OAS2: variants seen among roughly 807,000 people sequenced by gnomAD.
OAS2 encodes the protein 2'-5'-oligoadenylate synthetase 2.
A neutral mutation model predicts 71.3 loss-of-function variants in OAS2; 67 were observed. The ratio of observed to expected loss-of-function variants is 0.94; its 90% CI spans 0.77 to 1.15. The LOEUF (loss-of-function observed/expected upper bound fraction) is 1.15, where lower values mean the gene tolerates loss of function less well. Among genes scored for constraint, OAS2 ranks in the 50% most tolerant of loss-of-function variants. The probability of loss-of-function intolerance (pLI) is 0.00; values close to 1 mark genes in which losing one functional copy is unlikely to be tolerated. For missense variants in OAS2, 789 were observed against 822.5 expected (o/e 0.96, Z 0.50); for synonymous variants, 327 against 321.8 (o/e 1.02, Z -0.17).
At chr12:112,991,398 G>GT (rs2044191473) in intron 2 of OAS2, among the ~76,000 whole-genome samples, 1 of 152,248 alleles carries the variant, frequency 6.6e-6, no homozygotes, top group South Asian at 2.1e-4. Flanking sequence ...ATGCGCACCC[G>GT]TAACACAGCC....
At position 112,978,889 on chromosome 12, in the gene OAS2, A is replaced by C; in HGVS notation, c.177+104A>C. The C allele has an allele frequency of 4.6e-6, 5 of 1,092,886 alleles. No homozygotes were observed. Among genetic ancestry groups the C allele is most frequent in the Non-Finnish European group, 6.5e-6 (5 of 768,726 alleles). The allele number at this position is 1,092,886 out of a possible 1,614,324, so 67.7% of individuals were successfully genotyped here. ...GGTGCCTATTATGTGCGAGGCCCAC[A>C]CTTGGGTGGGATGTGGTGTAGGAGT... is the stretch of plus-strand genomic sequence containing the variant. On this transcript the variant is annotated intron_variant, in intron 1 of 9. Coordinates refer to ENST00000392583, the MANE Select transcript of OAS2 (RefSeq NM_002535.3). The surrounding 1 kb of genome is among the most constrained non-coding windows in gnomAD (Gnocchi z 4.2).
rs1205114752 is a variant in OAS2 at position 113,006,543 on chromosome 12, C to T, written c.1599C>T (p.Arg533=). The T allele has an allele frequency of 3.1e-6, 5 of 1,612,830 alleles. No homozygotes were observed. The highest frequency in any genetic ancestry group is 4.2e-6 in the Non-Finnish European group (5 of 1,179,048). The part of the protein sequence containing the change: ...CFTVLQRNFI[R]SRPTKLKDLI... ...CAGTCCTGCAGCGAAACTTCATTCG[C>T]TCCCGGCCCACCAAACTAAAGGATT... Residue 533 remains arginine, a synonymous_variant, in exon 8 of 10, where the codon CGC becomes CGT. Coordinates refer to ENST00000392583, the MANE Select transcript of OAS2 (RefSeq NM_002535.3).
intron 2 of OAS2, chr12:112,988,815 T>C: frequency 1.3e-6 from 1 of 773,190 alleles, no homozygotes. Context: ...ACTCTGTACC[T>C]GCCTTGAATT....
In OAS2 at chr12:113,002,916, T is replaced by G. The variant is rs773965576; in HGVS notation, c.1009-16T>G. ...ACAGGTGCCACTCACACTTGGGGTC[T>G]TCCTTCCTTCCCCAGCCTGCACCAC... On this transcript the variant is annotated splice_polypyrimidine_tract_variant and intron_variant, in intron 5 of 9. Transcript: ENST00000392583. The G allele has an allele frequency of 6.2e-6, 10 of 1,612,638 alleles. No individual in the cohort carries two copies. The East Asian group carries it at 1.8e-4, about 29-fold the overall frequency.
At position 112,978,852 on chromosome 12, in the gene OAS2, T is replaced by C. The variant is rs1238841443; in HGVS notation, c.177+67T>C. On this transcript the variant is annotated intron_variant, in intron 1 of 9. Transcript: ENST00000392583. This position sits in a 1 kb window ranked among gnomAD's most constrained non-coding sequence, Gnocchi z 4.2. Reference sequence around the variant, plus strand: ...TTCCACGGCGGCAGCAAGGCCGAGCTACTGGGTGCTGGGTGCCTATTATGT... The same window carrying C: ...TTCCACGGCGGCAGCAAGGCCGAGCCACTGGGTGCTGGGTGCCTATTATGT... The C allele has an allele frequency of 2.1e-5, 32 of 1,488,674 alleles. No individual in the cohort carries two copies. Among genetic ancestry groups the C allele is most frequent in the Non-Finnish European group, 2.8e-5 (31 of 1,093,362 alleles). The allele number at this position is 1,488,674 out of a possible 1,614,324, so 92.2% of individuals were successfully genotyped here.
At chr12:112,981,958 T>C (rs1180227755) in intron 1 of OAS2, among the ~76,000 whole-genome samples, 1 of 152,202 alleles carries the variant, frequency 6.6e-6, no homozygotes, top group Admixed American at 6.5e-5. Context: ...CCTAGGTATT[T>C]TTGTTAAATA....
At chr12:112,990,905 T>C (rs1347915161) in intron 2 of OAS2, among the ~76,000 whole-genome samples, 5 of 152,190 alleles carry the variant, frequency 3.3e-5, no homozygotes, top group African/African-American at 7.2e-5. Context: ...GTTTTTCAGG[T>C]TTCTTTGGGG....
At chr12:112,987,490 T>A in intron 2 of OAS2, 182 bp downstream of exon 2, 1 of 1,442,876 alleles carries the variant, frequency 6.9e-7, no homozygotes, top group Non-Finnish European at 9.1e-7. Flanking sequence ...GGAACTAACT[T>A]CTCCCCCATA....
intron 5 of OAS2, among the ~76,000 whole-genome samples, chr12:113,001,364 A>G (rs982413968): frequency 9.9e-6 from 1 of 101,290 alleles, no homozygotes; most frequent in Non-Finnish European, 1.8e-5. Context: ...ATATATATAC[A>G]TATATATACA....
rs766666176 is a variant in OAS2, at chr12:113,007,923, G to A, written c.1875G>A (p.Leu625=). 26 of 1,613,940 alleles carry A rather than the reference G, an allele frequency of 1.6e-5. No homozygotes were observed. Among genetic ancestry groups the A allele is most frequent in the Non-Finnish European group, 2.1e-5 (25 of 1,179,828 alleles). Residue 625 remains leucine (L), a synonymous_variant, in exon 9 of 10, where the codon CTG becomes CTA. Coordinates refer to ENST00000392583, the MANE Select transcript of OAS2 (RefSeq NM_002535.3). The part of the protein sequence containing the change: ...FEDETVRKFL[L]SQLQKTRPVI... ...ATGAGACCGTGAGGAAGTTTCTACT[G>A]AGCCAGTTGCAGAAAACCAGGTGCC...
chr12:113,009,492 C>G lies in OAS2; in HGVS notation c.*237C>G. The G allele has an allele frequency of 8.2e-7, 1 of 1,215,850 alleles. No homozygotes were observed. The highest frequency in any genetic ancestry group is 3.8e-5 in the East Asian group (1 of 26,404). The allele number at this position is 1,215,850 out of a possible 1,614,324, so 75.3% of individuals were successfully genotyped here. A position where few individuals can be genotyped will look rare whatever the true frequency, so the allele number is the denominator to read the frequency against. On this transcript the variant is annotated 3_prime_UTR_variant, in exon 10 of 10. Transcript: ENST00000392583. ...GTCTCTACCCAGTAGATGCCACTAG[C>G]CCTCCTCTCCCAGTGACAACCAAAA...
chr12:113,007,407 A>G (rs1253774413), intron 8 of OAS2, among the ~76,000 whole-genome samples: 1 of 152,196 alleles, frequency 6.6e-6, no homozygotes, highest in Non-Finnish European at 1.5e-5. Flanking sequence ...ATTGTGGGGA[A>G]GATTAGGAAT....
chr12:113,009,100 GACCCAGCCGA>G lies in OAS2; in HGVS notation c.1915_1924del (p.Ala639GlnfsTer43). 1 of 1,613,420 alleles carries G rather than the reference GACCCAGCCGA, an allele frequency of 6.2e-7. No individual in the cohort carries two copies. The highest frequency in any genetic ancestry group is 1.7e-5 in the Admixed American group (1 of 59,984). The stretch of plus-strand genomic sequence containing the variant: ...CCTCTCATTCAGGCCTGTGATCTTG[GACCCAGCCGA>G]ACCCACAGGTGACGTGGGTGGAGGG... On this transcript the variant is annotated frameshift_variant, in exon 10 of 10. Transcript: ENST00000392583. LOFTEE classifies it low-confidence loss of function (END_TRUNC).
In OAS2 at chr12:113,010,080, A is replaced by C; in HGVS notation, c.*825A>C. On this transcript the variant is annotated 3_prime_UTR_variant, in exon 10 of 10. Coordinates refer to ENST00000392583, the MANE Select transcript of OAS2 (RefSeq NM_002535.3). ...ACCCAGTAGATGCCACCCAGTTGTG[A>C]CAATTAAAAGTGTCTTGAGACTTTA... 1 of 1,064,634 alleles carries C rather than the reference A, an allele frequency of 9.4e-7. No individual in the cohort carries two copies. The highest frequency in any genetic ancestry group is 1.1e-6 in the Non-Finnish European group (1 of 880,026). 65.9% of individuals were successfully genotyped at this position (1,064,634 alleles called of 1,614,324 possible).
In OAS2 at chr12:113,009,926, C is replaced by T. The variant is rs2044365342; in HGVS notation, c.*671C>T. The T allele has an allele frequency of 5.1e-6, 5 of 987,658 alleles. No homozygotes were observed. The highest frequency in any genetic ancestry group is 6.0e-6 in the Non-Finnish European group (5 of 831,702). The allele number at this position is 987,658 out of a possible 1,614,324, so 61.2% of individuals were successfully genotyped here. A position where few individuals can be genotyped will look rare whatever the true frequency, so the allele number is the denominator to read the frequency against. ...CCTCCCTCCAGATATACTTGGTTCT[C>T]TCCACCAGGTTCTTTCTTTAAAGCA... is the stretch of plus-strand genomic sequence containing the variant. On this transcript the variant is annotated 3_prime_UTR_variant, in exon 10 of 10. Coordinates refer to ENST00000392583, the MANE Select transcript of OAS2 (RefSeq NM_002535.3).
chr12:113,000,485 C>T (rs1180243377), intron 5 of OAS2, among the ~76,000 whole-genome samples: 1 of 149,974 alleles, frequency 6.7e-6, no homozygotes, highest in East Asian at 1.9e-4. Flanking sequence ...CACACATACA[C>T]ACACACACAC....
chr12:113,005,815 C>T (rs1017249146), intron 7 of OAS2, among the ~76,000 whole-genome samples: 2 of 149,178 alleles, frequency 1.3e-5, no homozygotes, highest in Non-Finnish European at 3.0e-5. Context: ...TGCTTGAGCC[C>T]AGGAGATGGA....
At position 113,009,615 on chromosome 12, in the gene OAS2, G is replaced by A; in HGVS notation, c.*360G>A. The A allele has an allele frequency of 1.0e-6, 1 of 1,001,946 alleles. No individual in the cohort carries two copies. The highest frequency in any genetic ancestry group is 1.2e-6 in the Non-Finnish European group (1 of 841,344). The allele number at this position is 1,001,946 out of a possible 1,614,324, so 62.1% of individuals were successfully genotyped here. ...TTAGCTGTTAATTTGAGTACTTATG[G>A]CCCTGAAAGCGGCCACGGTGCCTCC... On this transcript the variant is annotated 3_prime_UTR_variant, in exon 10 of 10. Coordinates refer to ENST00000392583, the MANE Select transcript of OAS2 (RefSeq NM_002535.3).
At chr12:112,991,883 T>A (rs2044195732) in intron 2 of OAS2, among the ~76,000 whole-genome samples, 1 of 152,196 alleles carries the variant, frequency 6.6e-6, no homozygotes, top group Non-Finnish European at 1.5e-5. Context: ...TTCTATGGTC[T>A]CTAGTACAAT....
Sources: gnomAD v4.1 joint callset for allele counts (sites outside exome capture counted in the v4.1 genomes callset) on GRCh38, gnomAD v4.1.1 for gene constraint, Gnocchi (gnomAD v3.1) non-coding constraint, MANE v1.5 for transcripts, NCBI Gene and HGNC (gene_info 2026-07-23, HGNC 2026-07-21) for gene names.